Variants in DENND4C observed in about 807,000 individuals in gnomAD.
The protein encoded by DENND4C is DENN domain-containing protein 4C.
Under a neutral mutation model 203.0 loss-of-function variants are expected in DENND4C, and 108 were observed. The observed-to-expected ratio is 0.53, with a 90% CI of 0.46 to 0.62. The LOEUF is 0.62. Among genes scored for constraint, DENND4C ranks in the 20% least tolerant of loss-of-function variants. DENND4C has a pLI of 0.00. For synonymous variants in DENND4C, 871 were observed against 792.4 expected (o/e 1.10, Z -1.67); for missense variants, 2,481 against 2,301.2 (o/e 1.08, Z -1.60).
At position 19,239,365 on chromosome 9, in the gene DENND4C, A is replaced by C. The variant is rs146707788; in HGVS notation, c.-18+8532A>C. Among the ~76,000 whole-genome samples, 756 of 152,152 alleles carry C rather than the reference A, an allele frequency of 5.0e-3. 6 individuals carry two copies. Among genetic ancestry groups the C allele is most frequent in the African/African-American group, 0.017 (720 of 41,538 alleles). ...TTGATCAGGGGTTATTTAGGAGACTATTATTTAATTTCTAAATACTGGAGA... is the reference window on the plus strand; with the variant it reads ...TTGATCAGGGGTTATTTAGGAGACTCTTATTTAATTTCTAAATACTGGAGA... On this transcript the variant is annotated intron_variant, in intron 1 of 32. Transcript: ENST00000434457.
In DENND4C at chr9:19,346,733, C is replaced by G; in HGVS notation, c.3964C>G (p.Leu1322Val). The change falls in exon 23 of 33, where the codon CTA becomes GTA. Residue 1322 changes from leucine (L) to valine (V), a missense_variant. Physicochemically the swap from Leu to Val is conservative, Grantham distance 32 (BLOSUM62 1). Around this residue, in one of 3 missense-constraint regions of DENND4C, gnomAD observed 2,289 missense variants for 2,113.3 expected, o/e 1.08. Coordinates refer to ENST00000434457, the MANE Select transcript of DENND4C (RefSeq NM_001330640.2). Reference protein sequence around the residue: ...SGMTTAFIHALERRSSLPLDH... With the variant: ...SGMTTAFIHAVERRSSLPLDH... ...CATGACTACTGCATTTATTCATGCT[C>G]TAGAGAGGAGATCAAGCCTACCTTT... The G allele has an allele frequency of 1.9e-6, 3 of 1,614,158 alleles. No individual in the cohort carries two copies. Among genetic ancestry groups the G allele is most frequent in the East Asian group, 2.2e-5 (1 of 44,876 alleles).
chr9:19,334,295 C>T (rs1405613453), intron 17 of DENND4C, among the ~76,000 whole-genome samples: 2 of 152,084 alleles, frequency 1.3e-5, no homozygotes, highest in Admixed American at 1.3e-4. Context: ...AGGTGATCTG[C>T]CTGCCTGGGC....
chr9:19,270,090 C>A (rs779854103), intron 1 of DENND4C, among the ~76,000 whole-genome samples: 3 of 152,126 alleles, frequency 2.0e-5, no homozygotes, highest in Non-Finnish European at 4.4e-5. Flanking sequence ...GTCTCTTGTT[C>A]TCTTTCCTTA....
chr9:19,274,018 A>G (rs952326866), intron 1 of DENND4C, among the ~76,000 whole-genome samples: 4 of 152,042 alleles, frequency 2.6e-5, no homozygotes, highest in South Asian at 2.1e-4. Context: ...GTCCATTAAT[A>G]TAGGTGAATG....
intron 2 of DENND4C, among the ~76,000 whole-genome samples, chr9:19,277,609 A>C (rs1833142455): frequency 6.6e-6 from 1 of 151,664 alleles, no homozygotes; most frequent in South Asian, 2.1e-4. Flanking sequence ...TGCAAATAGA[A>C]ATAGTTTTAC....
rs908487986 is a variant in DENND4C at position 19,371,689 on chromosome 9, T to TA, written c.5676-59dup. On this transcript the variant is annotated intron_variant, in intron 31 of 32. Coordinates refer to ENST00000434457, the MANE Select transcript of DENND4C (RefSeq NM_001330640.2). ...TGACAGAACTTAATGTCTTCACCAT[T>TA]AAAAAAAATGCATCTGTGTTTTTAT... 2.7e-4 allele frequency: 218 copies of TA among 800,262 alleles called. 1 individual carries two copies. The highest frequency in any genetic ancestry group is 7.0e-4 in the Middle Eastern group (3 of 4,278). 49.6% of individuals were successfully genotyped at this position (800,262 alleles called of 1,614,324 possible).
intron 2 of DENND4C, among the ~76,000 whole-genome samples, chr9:19,284,431 A>G (rs1834789727): frequency 6.6e-6 from 1 of 152,172 alleles, no homozygotes; most frequent in Non-Finnish European, 1.5e-5. Context: ...ATAACTGTGC[A>G]TTTATTGTTA....
intron 15 of DENND4C, among the ~76,000 whole-genome samples, chr9:19,327,366 G>C (rs933799154): frequency 6.6e-6 from 1 of 151,914 alleles, no homozygotes; most frequent in African/African-American, 2.4e-5. Flanking sequence ...ATTGAGAATA[G>C]GTTATGCTAG....
Position 19,336,697 on chromosome 9 carries a change from G to C in DENND4C, c.2746G>C (p.Val916Leu). The stretch of plus-strand genomic sequence containing the variant: ...GTCCTTATCTTTAGCTCTTCAAAAT[G>C]TCACAGGTGGAAGTGATGGGGACAC... The part of the protein sequence containing the change: ...QVSSISALQN[V>L]TGGSDGDTVS... The change falls in exon 20 of 33, where the codon GTC becomes CTC. Residue 916 changes from valine to leucine, a missense_variant. Val to Leu is a conservative substitution (Grantham distance 32). Transcript: ENST00000434457. 1 of 1,550,920 alleles carries C rather than the reference G, an allele frequency of 6.4e-7. No individual in the cohort carries two copies. Among genetic ancestry groups the C allele is most frequent in the Non-Finnish European group, 8.7e-7 (1 of 1,147,020 alleles).
chr9:19,356,810 A>AGAGT lies in DENND4C; in HGVS notation c.4782-159_4782-158insTGAG, dbSNP rs1825530597. ...GTGTGAGAGAGAGAGAGAGAGAGAG[A>AGAGT]GAGAGAGTGAGAGTGTATTGGAAAT... On this transcript the variant is annotated intron_variant, in intron 26 of 32. Transcript: ENST00000434457. 3.9e-4 allele frequency among the ~76,000 whole-genome samples: 57 copies of AGAGT among 146,694 alleles called. 1 individual carries two copies. The highest frequency in any genetic ancestry group is 1.4e-3 in the African/African-American group (52 of 38,384).
intron 10 of DENND4C, among the ~76,000 whole-genome samples, chr9:19,313,202 A>G (rs944557323): frequency 6.6e-6 from 1 of 152,146 alleles, no homozygotes; most frequent in Admixed American, 6.5e-5. Flanking sequence ...AGAACTTAAA[A>G]TTAATATTTT....
In DENND4C at chr9:19,357,139, C is replaced by T. The variant is rs150248204; in HGVS notation, c.4949C>T (p.Ser1650Phe). Reference protein sequence around the residue: ...HNQIITEETGSAVEPSDEIKR... With the variant: ...HNQIITEETGFAVEPSDEIKR... ...CAGATCATAACTGAAGAAACAGGCT[C>T]TGCAGTTGAACCAAGGTATCAAAGG... The change falls in exon 27 of 33, where the codon TCT becomes TTT. Residue 1650 changes from serine to phenylalanine, a missense_variant. Around this residue, in one of 3 missense-constraint regions of DENND4C, gnomAD observed 2,289 missense variants for 2,113.3 expected, o/e 1.08. Transcript: ENST00000434457. The T allele has an allele frequency of 4.3e-6, 7 of 1,613,722 alleles. No individual in the cohort carries two copies. The highest frequency in any genetic ancestry group is 1.3e-5 in the African/African-American group (1 of 74,906).
chr9:19,262,066 T>G (rs1307138188), intron 1 of DENND4C, among the ~76,000 whole-genome samples: 3 of 147,338 alleles, frequency 2.0e-5, no homozygotes, highest in Non-Finnish European at 4.5e-5. Context: ...CTTTAGTGAA[T>G]TTATTAGTTC....
intron 9 of DENND4C, among the ~76,000 whole-genome samples, chr9:19,300,884 GA>G (rs1160234409): frequency 6.6e-6 from 1 of 152,150 alleles, no homozygotes; most frequent in Non-Finnish European, 1.5e-5. Context: ...ATTGCACTTA[GA>G]ATGAAGTCTG....
chr9:19,299,142 T>C (rs998288768), intron 7 of DENND4C, 87 bp from the exon 8 acceptor site: 1 of 940,390 alleles, frequency 1.1e-6, no homozygotes, highest in Non-Finnish European at 1.6e-6. Flanking sequence ...TTGATCTAAA[T>C]ATATAGATTT....
chr9:19,324,648 G>T, intron 13 of DENND4C, 141 bp downstream of exon 13: 1 of 821,832 alleles, frequency 1.2e-6, no homozygotes, highest in Non-Finnish European at 1.8e-6. Flanking sequence ...ACCGATTCTG[G>T]GCTGAATATA....
At chr9:19,303,366 A>C (rs1838989745) in intron 9 of DENND4C, among the ~76,000 whole-genome samples, 1 of 152,094 alleles carries the variant, frequency 6.6e-6, no homozygotes, top group Admixed American at 6.6e-5. Flanking sequence ...CTGCCTGCCA[A>C]ATCCTGCCTG....
chr9:19,348,773 C>G (rs1299069102), intron 23 of DENND4C, among the ~76,000 whole-genome samples: 1 of 151,738 alleles, frequency 6.6e-6, no homozygotes, highest in Non-Finnish European at 1.5e-5. Flanking sequence ...CTGTCTTAAT[C>G]TGGCATTATG....
intron 16 of DENND4C, among the ~76,000 whole-genome samples, chr9:19,328,870 G>A (rs1454540257): frequency 2.6e-5 from 4 of 151,944 alleles, no homozygotes; most frequent in Admixed American, 6.6e-5. Flanking sequence ...CCAACATGGA[G>A]AAACCCCGTC....
Sources: allele counts gnomAD v4.1 joint callset (sites outside exome capture counted in the v4.1 genomes callset), GRCh38; gene constraint gnomAD v4.1.1; regional missense constraint gnomAD v4.1.1; transcripts MANE v1.5; gene names NCBI Gene and HGNC (gene_info 2026-07-23, HGNC 2026-07-21).